Variants in HACD3 observed in about 807,000 individuals in gnomAD.
HACD3 encodes the protein 3-hydroxyacyl-CoA dehydratase 3.
HACD3 carries 30 observed loss-of-function variants against 55.2 expected under a neutral mutation model. That is an observed-to-expected ratio of 0.54 (90% CI 0.41 to 0.74). The LOEUF is 0.74. Among genes scored for constraint, HACD3 ranks in the 30% least tolerant of loss-of-function variants. HACD3 has a pLI of 0.00. For synonymous variants in HACD3, 141 were observed against 151.7 expected (o/e 0.93, Z 0.52); for missense variants, 363 against 440.1 (o/e 0.82, Z 1.57).
intron 2 of HACD3, 200 bp downstream of exon 2, chr15:65,551,918 A>G (rs572167904): frequency 1.3e-5 from 7 of 524,222 alleles, no homozygotes; most frequent in African/African-American, 3.9e-5. Flanking sequence ...TGTTTCCCCC[A>G]TGGAGAGGCA....
chr15:65,563,994 A>G lies in HACD3; in HGVS notation c.533-221A>G, dbSNP rs533815752. Among the ~76,000 whole-genome samples the G allele has an allele frequency of 1.6e-3, 244 of 152,134 alleles. 1 individual carries two copies. The highest frequency in any genetic ancestry group is 5.4e-3 in the African/African-American group (226 of 41,514). The stretch of plus-strand genomic sequence containing the variant: ...AAAAAAAAAAAAGAGAAAGGCATAT[A>G]AGGTGTACGTGTTAACTTTCTGGTA... On this transcript the variant is annotated intron_variant, in intron 6 of 10. Coordinates refer to ENST00000261875, the MANE Select transcript of HACD3 (RefSeq NM_016395.4).
At chr15:65,537,993 A>G (rs1333113568) in intron 1 of HACD3, among the ~76,000 whole-genome samples, 3 of 113,088 alleles carry the variant, frequency 2.7e-5, no homozygotes. Context: ...ATATATATAT[A>G]TATATATGTA....
rs762387160 is a variant in HACD3 at position 65,562,754 on chromosome 15, T to C, written c.422-20T>C. ...GGGACTATTGCTTTTAATAGCTTAC[T>C]GCTTTGCTTTGCTTTACAGCTCTTA... On this transcript the variant is annotated intron_variant, in intron 5 of 10. Transcript: ENST00000261875. 14 of 1,611,694 alleles carry C rather than the reference T, an allele frequency of 8.7e-6. No individual in the cohort carries two copies. In the South Asian group the frequency reaches 1.4e-4, roughly 17 times the overall value.
At chr15:65,568,663 T>C (rs889536506) in intron 7 of HACD3, among the ~76,000 whole-genome samples, 1 of 152,056 alleles carries the variant, frequency 6.6e-6, no homozygotes, top group African/African-American at 2.4e-5. Flanking sequence ...CCAGCCATTA[T>C]GTGTATTTTA....
chr15:65,551,258 G>A (rs759155282), intron 1 of HACD3: 31 of 165,976 alleles, frequency 1.9e-4, no homozygotes, highest in Non-Finnish European at 3.4e-4. Flanking sequence ...TTGACCATAT[G>A]TTTCTTAATA....
chr15:65,572,080 A>G (rs964410205), intron 9 of HACD3, among the ~76,000 whole-genome samples, 155 bp from the exon 10 acceptor site: 5 of 152,080 alleles, frequency 3.3e-5, no homozygotes, highest in Non-Finnish European at 5.9e-5. Flanking sequence ...AAAGTAGGGG[A>G]AAAAAAGGAG....
chr15:65,553,713 T>A (rs421442), intron 2 of HACD3, among the ~76,000 whole-genome samples: 4 of 152,154 alleles, frequency 2.6e-5, no homozygotes, highest in Non-Finnish European at 4.4e-5. Flanking sequence ...CTGTCCTACC[T>A]TAAGGAATTT....
chr15:65,544,104 G>A (rs1468962650), intron 1 of HACD3, among the ~76,000 whole-genome samples: 1 of 152,154 alleles, frequency 6.6e-6, no homozygotes, highest in Non-Finnish European at 1.5e-5. Flanking sequence ...GTGAACCCGG[G>A]AGGCGGAGCT....
At chr15:65,560,251 G>A (rs2072231467) in intron 5 of HACD3, among the ~76,000 whole-genome samples, 1 of 152,104 alleles carries the variant, frequency 6.6e-6, no homozygotes, top group East Asian at 1.9e-4. Flanking sequence ...CAGAATATCT[G>A]TAGCCTAGGA....
chr15:65,535,630 T>A, intron 1 of HACD3: 1 of 401,604 alleles, frequency 2.5e-6, no homozygotes, highest in Non-Finnish European at 4.4e-6. Context: ...ATTCTTGGAA[T>A]AGTTCAGATT....
intron 1 of HACD3, among the ~76,000 whole-genome samples, chr15:65,548,991 A>G (rs970973827): frequency 1.3e-5 from 2 of 152,184 alleles, no homozygotes; most frequent in Non-Finnish European, 2.9e-5. Context: ...CCTCCCCGGT[A>G]GCTGGGACTA....
intron 10 of HACD3, among the ~76,000 whole-genome samples, chr15:65,573,464 T>G (rs1184618020): frequency 6.6e-6 from 1 of 151,994 alleles, no homozygotes; most frequent in Non-Finnish European, 1.5e-5. Context: ...AAAAATTGGC[T>G]GGGCTTGGTG....
intron 2 of HACD3, chr15:65,551,944 G>T: frequency 8.8e-6 from 3 of 340,920 alleles, no homozygotes; most frequent in Non-Finnish European, 1.0e-5. Context: ...TACAGTGAAG[G>T]AAAAAAAAAA....
At chr15:65,539,734 A>G (rs2072000844) in intron 1 of HACD3, among the ~76,000 whole-genome samples, 1 of 152,194 alleles carries the variant, frequency 6.6e-6, no homozygotes, top group Non-Finnish European at 1.5e-5. Context: ...AGAATGGATA[A>G]ATTGTGGTAT....
chr15:65,536,482 C>T (rs527774668), intron 1 of HACD3, among the ~76,000 whole-genome samples: 13 of 151,508 alleles, frequency 8.6e-5, no homozygotes, highest in Admixed American at 2.6e-4. Context: ...ACAATGGGGT[C>T]GGGTGTGATG....
Position 65,558,714 on chromosome 15 carries a change from G to A in HACD3, c.404G>A (p.Ser135Asn). ...CGCCTAAATAAACTCCGACTGGAAA[G>A]CGAAGGCTCTCCTGAAAGTAAGTTG... ...EERLNKLRLE[S>N]EGSPETLTNL... The change falls in exon 5 of 11, where the codon AGC becomes AAC. Residue 135 changes from serine (S) to asparagine (N), a missense_variant. Transcript: ENST00000261875. The A allele has an allele frequency of 6.2e-7, 1 of 1,601,974 alleles. No individual in the cohort carries two copies. Among genetic ancestry groups the A allele is most frequent in the Non-Finnish European group, 8.5e-7 (1 of 1,174,038 alleles).
At chr15:65,571,962 A>G (rs557812625) in intron 9 of HACD3, among the ~76,000 whole-genome samples, 109 of 152,364 alleles carry the variant, frequency 7.2e-4, no homozygotes, top group Non-Finnish European at 1.4e-3. Flanking sequence ...CATCTCATAC[A>G]TAAGTCAGCT....
chr15:65,572,012 A>T (rs1596220118), intron 9 of HACD3, among the ~76,000 whole-genome samples: 1 of 152,348 alleles, frequency 6.6e-6, no homozygotes, highest in African/African-American at 2.4e-5. Context: ...GAAGAAGCCC[A>T]CTACCATGAC....
Position 65,537,807 on chromosome 15 carries a change from A to AAAAAAAT in HACD3, c.87+7091_87+7092insAAAATAA, listed in dbSNP as rs1322620050. 2.2e-4 allele frequency among the ~76,000 whole-genome samples: 32 copies of AAAAAAAT among 146,578 alleles called. 3 individuals are homozygous for AAAAAAAT. Among genetic ancestry groups the AAAAAAAT allele is most frequent in the Non-Finnish European group, 2.1e-4 (14 of 66,582 alleles). On this transcript the variant is annotated intron_variant, in intron 1 of 10. Transcript: ENST00000261875. ...GACTCTGTCTCAAAAAAAAAAAAAA[A>AAAAAAAT]AAGAATTATGCTAAATCTACTCTGC...
Sources: allele counts gnomAD v4.1 joint callset (sites outside exome capture counted in the v4.1 genomes callset), GRCh38; gene constraint gnomAD v4.1.1; transcripts MANE v1.5; gene names NCBI Gene and HGNC (gene_info 2026-07-23, HGNC 2026-07-21).